SURF1: variants seen among roughly 807,000 people sequenced by gnomAD.
The protein encoded by SURF1 is SURF1 cytochrome c oxidase assembly factor.
In SURF1, 45 loss-of-function variants were observed where a neutral mutation model predicts 34.1. The observed-to-expected ratio is 1.32, with a 90% CI of 1.04 to 1.69. The LOEUF is 1.69. Among genes scored for constraint, SURF1 ranks in the 40% most tolerant of loss-of-function variants. The pLI is 0.00. For missense variants in SURF1, 456 were observed against 384.6 expected, an observed-to-expected ratio of 1.19 and a Z score of -1.55; for synonymous variants, 188 against 147.5, an observed-to-expected ratio of 1.27 and a Z score of -1.99.
At chr9:133,356,058 C>T in intron 2 of SURF1, 1 of 640,116 alleles carries the variant, frequency 1.6e-6, no homozygotes, top group Non-Finnish European at 2.7e-6. Context: ...CTACCTCTCG[C>T]GTTGTGAGGA....
chr9:133,356,276 C>T lies in SURF1; in HGVS notation c.99G>A (p.Pro33=). 6.5e-7 allele frequency: 1 copy of T among 1,532,778 alleles called. No individual in the cohort carries two copies. Among genetic ancestry groups the T allele is most frequent in the African/African-American group, 1.4e-5 (1 of 72,934 alleles). The allele number at this position is 1,532,778 out of a possible 1,614,324, so 94.9% of individuals were successfully genotyped here. A position where few individuals can be genotyped will look rare whatever the true frequency, so the allele number is the denominator to read the frequency against. Residue 33 remains proline (P), a synonymous_variant, in exon 2 of 9, where the codon CCG becomes CCA. Transcript: ENST00000371974. The part of the protein sequence containing the change: ...AAWRSVLRVS[P]RPGVAWRPSR... ...CCGGCCTGCAGCCCTCACCTGGGCG[C>T]GGGGAGACCCTGAGGACGCTCCTCC...
At position 133,356,262 on chromosome 9, in the gene SURF1, C is replaced by G; in HGVS notation, c.106+7G>C. The G allele has an allele frequency of 6.5e-7, 1 of 1,533,318 alleles. No homozygotes were observed. The highest frequency in any genetic ancestry group is 8.7e-7 in the Non-Finnish European group (1 of 1,146,198). 95.0% of individuals were successfully genotyped at this position (1,533,318 alleles called of 1,614,324 possible). On this transcript the variant is annotated splice_region_variant and intron_variant, in intron 2 of 8. Coordinates refer to ENST00000371974, the MANE Select transcript of SURF1 (RefSeq NM_003172.4). ...GCCTGGATCACAGCCCGGCCTGCAG[C>G]CCTCACCTGGGCGCGGGGAGACCCT...
chr9:133,353,745 T>A lies in SURF1; in HGVS notation c.515+4A>T. 6.2e-7 allele frequency: 1 copy of A among 1,613,730 alleles called. No homozygotes were observed. Among genetic ancestry groups the A allele is most frequent in the Non-Finnish European group, 8.5e-7 (1 of 1,180,020 alleles). On this transcript the variant is annotated splice_donor_region_variant and intron_variant, in intron 5 of 8. Transcript: ENST00000371974. ...GACAGCCAGCTCCCACATGTCCTAC[T>A]CACCCCAGGTCGGTGCAGTGGAAGG... is the stretch of plus-strand genomic sequence containing the variant.
chr9:133,352,492 C>A lies in SURF1; in HGVS notation c.705G>T (p.Met235Ile). ...TGGGCTCTGCGCCTGTGATTCTGGC[C>A]ATAGCTTCCAGGTCTCGATAATGCC... ...NHWHYRDLEA[M>I]ARITGAEPIF... The change falls in exon 7 of 9, where the codon ATG becomes ATT. Residue 235 changes from methionine to isoleucine, a missense_variant. Met to Ile is a conservative substitution (Grantham distance 10). Coordinates refer to ENST00000371974, the MANE Select transcript of SURF1 (RefSeq NM_003172.4). 2.5e-6 allele frequency: 4 copies of A among 1,614,220 alleles called. No homozygotes were observed. The highest frequency in any genetic ancestry group is 3.4e-6 in the Non-Finnish European group (4 of 1,180,052).
intron 2 of SURF1, 195 bp downstream of exon 2, chr9:133,356,074 C>A: frequency 2.7e-6 from 2 of 738,396 alleles, no homozygotes; most frequent in Non-Finnish European, 4.5e-6. Flanking sequence ...GAGGACAAAG[C>A]GCTCGCTACA....
At chr9:133,352,018 C>T (rs2130003658) in intron 8 of SURF1, 36 bp from the exon 9 acceptor site, 3 of 1,613,044 alleles carry the variant, frequency 1.9e-6, no homozygotes, top group Non-Finnish European at 2.5e-6. Context: ...TAGCAGGCTG[C>T]TAGGCTGAAG....
At chr9:133,353,681 T>C (rs1836492522) in intron 5 of SURF1, 68 bp downstream of exon 5, 3 of 1,577,818 alleles carry the variant, frequency 1.9e-6, no homozygotes, top group African/African-American at 2.7e-5. Flanking sequence ...GTGAAGGAAA[T>C]AGTGATGTAA....
rs1324272085 is a variant in SURF1, at chr9:133,351,835, C to T, written c.*78G>A. ...TAAGGTAGAAGGCCAGAACTTTATACCAGTAGCACATGATCCAGCATAAAG... is the reference window on the plus strand; with the variant it reads ...TAAGGTAGAAGGCCAGAACTTTATATCAGTAGCACATGATCCAGCATAAAG... On this transcript the variant is annotated 3_prime_UTR_variant, in exon 9 of 9. Transcript: ENST00000371974. The T allele has an allele frequency of 7.4e-6, 11 of 1,479,984 alleles. No homozygotes were observed. Among genetic ancestry groups the T allele is most frequent in the African/African-American group, 1.4e-5 (1 of 72,502 alleles). 91.7% of individuals were successfully genotyped at this position (1,479,984 alleles called of 1,614,324 possible). A position where few individuals can be genotyped will look rare whatever the true frequency, so the allele number is the denominator to read the frequency against.
At position 133,353,931 on chromosome 9, in the gene SURF1, T is replaced by C. The variant is rs1836502784; in HGVS notation, c.333A>G (p.Glu111=). The change falls in exon 5 of 9, where the codon GAA becomes GAG. Residue 111 remains glutamate, a synonymous_variant. Transcript: ENST00000371974. ...EPVPLPADPM[E]LKNLEYRPVK... ...CTGGCCTATACTCCAGATTTTTCAG[T>C]TCCATTGGGCTGCATGGAGATAAGA... 6.2e-7 allele frequency: 1 copy of C among 1,613,736 alleles called. No homozygotes were observed. Among genetic ancestry groups the C allele is most frequent in the Admixed American group, 1.7e-5 (1 of 60,014 alleles).
rs1255936479 is a variant in SURF1 at position 133,356,335 on chromosome 9, G to A, written c.55-15C>T. 16 of 1,505,846 alleles carry A rather than the reference G, an allele frequency of 1.1e-5. No homozygotes were observed. The highest frequency in any genetic ancestry group is 8.0e-5 in the East Asian group (3 of 37,380). 93.3% of individuals were successfully genotyped at this position (1,505,846 alleles called of 1,614,324 possible). ...CTGGCCGGGGCCTGCGGACACGGAC[G>A]GGCGGGCTGAGCTCCGGGACCCCTC... On this transcript the variant is annotated splice_polypyrimidine_tract_variant and intron_variant, in intron 1 of 8. Coordinates refer to ENST00000371974, the MANE Select transcript of SURF1 (RefSeq NM_003172.4).
At position 133,352,068 on chromosome 9, in the gene SURF1, C is replaced by T. The variant is rs141561701; in HGVS notation, c.826G>A (p.Val276Met). Residue 276 changes from valine (V) to methionine (M), a missense_variant, in exon 8 of 9, where the codon GTG (valine) becomes ATG (methionine). By Grantham distance (21) the Val-to-Met change is conservative. Transcript: ENST00000371974. Reference protein sequence around the residue: ...TLRNEHLQYIVTWYGLSAATS... With the variant: ...TLRNEHLQYIMTWYGLSAATS... ...GGGCCGCTGGGGACTCACCAGGTCA[C>T]GATGTACTGCAGATGCTCGTTCCTC... 9.9e-6 allele frequency: 16 copies of T among 1,611,532 alleles called. No homozygotes were observed. The highest frequency in any genetic ancestry group is 8.0e-5 in the African/African-American group (6 of 74,898).
At position 133,352,491 on chromosome 9, in the gene SURF1, C is replaced by T. The variant is rs2130007305; in HGVS notation, c.706G>A (p.Ala236Thr). The T allele has an allele frequency of 1.1e-5, 17 of 1,614,210 alleles. No individual in the cohort carries two copies. Among genetic ancestry groups the T allele is most frequent in the Non-Finnish European group, 1.1e-5 (13 of 1,180,040 alleles). Residue 236 changes from alanine (A) to threonine (T), a missense_variant, in exon 7 of 9, where the codon GCC (alanine) becomes ACC (threonine). Ala to Thr is a moderately conservative substitution (Grantham distance 58). Transcript: ENST00000371974. ...HWHYRDLEAM[A>T]RITGAEPIFI... ...ATGGGCTCTGCGCCTGTGATTCTGGCCATAGCTTCCAGGTCTCGATAATGC... is the reference window on the plus strand; with the variant it reads ...ATGGGCTCTGCGCCTGTGATTCTGGTCATAGCTTCCAGGTCTCGATAATGC...
chr9:133,354,188 G>A, intron 4 of SURF1: 1 of 585,196 alleles, frequency 1.7e-6, no homozygotes, highest in African/African-American at 1.9e-5. Context: ...AAAAATATGT[G>A]GGCCAAAACC....
chr9:133,352,682 C>T lies in SURF1; in HGVS notation c.588+12G>A, dbSNP rs1319985914. 15 of 1,613,576 alleles carry T rather than the reference C, an allele frequency of 9.3e-6. No homozygotes were observed. Among genetic ancestry groups the T allele is most frequent in the Non-Finnish European group, 1.3e-5 (15 of 1,179,872 alleles). On this transcript the variant is annotated intron_variant, in intron 6 of 8. Coordinates refer to ENST00000371974, the MANE Select transcript of SURF1 (RefSeq NM_003172.4). The stretch of plus-strand genomic sequence containing the variant: ...AGCCTTCTCTAAAGTAGGAAGAGTC[C>T]ATGTCCCTTACCTGGCCTTTCTGCC...
chr9:133,355,335 C>CCAA (rs1000309002), intron 2 of SURF1, among the ~76,000 whole-genome samples: 1 of 152,242 alleles, frequency 6.6e-6, no homozygotes, highest in Non-Finnish European at 1.5e-5. Flanking sequence ...AATCCCAGCA[C>CCAA]TTTGGGAGGC....
rs1836463600 is a variant in SURF1 at position 133,352,724 on chromosome 9, T to G, written c.558A>C (p.Lys186Asn). Residue 186 changes from lysine (K) to asparagine (N), a missense_variant, in exon 6 of 9, where the codon AAA (lysine) becomes AAC (asparagine). Coordinates refer to ENST00000371974, the MANE Select transcript of SURF1 (RefSeq NM_003172.4). ...CTTTCTGCCGGGTTTCAGGATTCACTTTCTTCCTGGGAACGAACCCTCTAT... is the reference window on the plus strand; with the variant it reads ...CTTTCTGCCGGGTTTCAGGATTCACGTTCTTCCTGGGAACGAACCCTCTAT... ...LVNRGFVPRK[K>N]VNPETRQKGQ... 2 of 1,613,152 alleles carry G rather than the reference T, an allele frequency of 1.2e-6. No individual in the cohort carries two copies. The highest frequency in any genetic ancestry group is 2.2e-5 in the South Asian group (2 of 90,938).
intron 7 of SURF1, 97 bp from the exon 8 acceptor site, chr9:133,352,239 C>G (rs1046086194): frequency 8.6e-6 from 12 of 1,389,846 alleles, no homozygotes; most frequent in Non-Finnish European, 1.2e-5. Context: ...AGTTGGAAGT[C>G]CTGTATGGCC....
Position 133,354,692 on chromosome 9 carries a change from C to G in SURF1, c.290G>C (p.Arg97Thr). The change falls in exon 4 of 9, where the codon AGA becomes ACA. Residue 97 changes from arginine (R) to threonine (T), a missense_variant. Coordinates refer to ENST00000371974, the MANE Select transcript of SURF1 (RefSeq NM_003172.4). ...CAGAGGGACAGGCTCAGCCAGAACT[C>G]TGGACTCCAACTCTGCAATCAGGTT... ...KLNLIAELES[R>T]VLAEPVPLPA... The G allele has an allele frequency of 6.2e-7, 1 of 1,613,386 alleles. No homozygotes were observed. Among genetic ancestry groups the G allele is most frequent in the Non-Finnish European group, 8.5e-7 (1 of 1,180,028 alleles).
At chr9:133,353,436 C>T (rs186474649) in intron 5 of SURF1, among the ~76,000 whole-genome samples, 45 of 152,326 alleles carry the variant, frequency 3.0e-4, no homozygotes, top group Middle Eastern at 3.4e-3. Context: ...CTTGCTGGCC[C>T]CTCATAGCTT....
Sources: allele counts gnomAD v4.1 joint callset (sites outside exome capture counted in the v4.1 genomes callset), GRCh38; gene constraint gnomAD v4.1.1; transcripts MANE v1.5; gene names NCBI Gene and HGNC (gene_info 2026-07-23, HGNC 2026-07-21).